SHTN1: variants seen among roughly 807,000 people sequenced by gnomAD.
The protein encoded by SHTN1 is shootin 1, also known as shootin-1.
SHTN1 carries 42 observed loss-of-function variants against 83.1 expected under a neutral mutation model. That is an observed-to-expected ratio of 0.51 (90% CI 0.39 to 0.65). The LOEUF is 0.65. Among genes scored for constraint, SHTN1 ranks in the 30% least tolerant of loss-of-function variants. SHTN1 has a pLI of 0.00. For synonymous variants in SHTN1, 224 were observed against 247.7 expected (o/e 0.90, Z 0.90); for missense variants, 622 against 737.8 (o/e 0.84, Z 1.82).
intron 1 of SHTN1, among the ~76,000 whole-genome samples, chr10:117,076,221 A>G (rs575316898): frequency 1.4e-4 from 22 of 151,932 alleles, no homozygotes; most frequent in African/African-American, 4.1e-4. Context: ...TAGATATTAT[A>G]TATGAAAATG....
intron 1 of SHTN1, among the ~76,000 whole-genome samples, chr10:116,988,247 G>C (rs1851293735): frequency 6.6e-6 from 1 of 151,326 alleles, no homozygotes; most frequent in African/African-American, 2.4e-5. Flanking sequence ...CTGTATTTTT[G>C]GCTCCATTTT....
At chr10:117,102,501 C>T (rs1589933236) in intron 1 of SHTN1, among the ~76,000 whole-genome samples, 2 of 152,112 alleles carry the variant, frequency 1.3e-5, no homozygotes, top group Non-Finnish European at 2.9e-5. Flanking sequence ...ATCCAAACCA[C>T]GACATGCTTC....
In SHTN1 at chr10:117,016,570, C is replaced by T. The variant is rs558712628; in HGVS notation, c.-123+31875G>A. Among the ~76,000 whole-genome samples, 10 of 152,240 alleles carry T rather than the reference C, an allele frequency of 6.6e-5. 1 individual carries two copies. The East Asian group carries it at 1.9e-3, about 29-fold the overall frequency. ...TACGGGCGTGTGCCACCACGCCCGG[C>T]TACTTTTTGTATTTTTAGTAGAGGC... On this transcript the variant is annotated intron_variant, in intron 2 of 17. Transcript: ENST00000392901.
upstream of SHTN1, among the ~76,000 whole-genome samples, chr10:117,008,856 G>A (rs186958904): frequency 1.3e-5 from 2 of 152,356 alleles, no homozygotes; most frequent in East Asian, 1.9e-4. Context: ...GCTCACGCCT[G>A]TAATCCCAGT....
chr10:116,968,525 TAGAA>T (rs1564904843), intron 3 of SHTN1, 123 bp downstream of exon 3: 3 of 618,432 alleles, frequency 4.9e-6, no homozygotes, highest in Non-Finnish European at 8.3e-6. Flanking sequence ...TTTGGACAAA[TAGAA>T]AGAAGTCTTG....
intron 2 of SHTN1, among the ~76,000 whole-genome samples, chr10:117,010,900 A>C (rs1852094110): frequency 6.6e-6 from 1 of 152,196 alleles, no homozygotes; most frequent in African/African-American, 2.4e-5. Flanking sequence ...CTCTTAGCAA[A>C]CCAGTAATAG....
chr10:116,918,900 G>C (rs923821473), intron 12 of SHTN1, among the ~76,000 whole-genome samples: 1 of 152,154 alleles, frequency 6.6e-6, no homozygotes. Flanking sequence ...ATACATTCTT[G>C]TCAAAATCAG....
Position 116,930,012 on chromosome 10 carries a change from A to AT in SHTN1, c.859-11dup, listed in dbSNP as rs752789855. On this transcript the variant is annotated splice_polypyrimidine_tract_variant and intron_variant, in intron 9 of 16. Coordinates refer to ENST00000355371, the MANE Select transcript of SHTN1 (RefSeq NM_001127211.3). Reference sequence around the variant, plus strand: ...CTTCTAATTCTTTGACCTATAAGTTATTTAAAAAAAAAAGACTTTTATGGC... The same window carrying AT: ...CTTCTAATTCTTTGACCTATAAGTTATTTTAAAAAAAAAAGACTTTTATGGC... 9.9e-6 allele frequency: 15 copies of AT among 1,508,468 alleles called. No individual in the cohort carries two copies. The highest frequency in any genetic ancestry group is 9.3e-5 in the South Asian group (7 of 75,016). The allele number at this position is 1,508,468 out of a possible 1,614,324, so 93.4% of individuals were successfully genotyped here.
At chr10:117,087,362 A>C (rs1287882530) in intron 1 of SHTN1, among the ~76,000 whole-genome samples, 1 of 152,250 alleles carries the variant, frequency 6.6e-6, no homozygotes, top group Non-Finnish European at 1.5e-5. Context: ...CACACACAGA[A>C]AATGTTAATA....
At chr10:117,072,687 C>T (rs549477486) in intron 1 of SHTN1, among the ~76,000 whole-genome samples, 2 of 152,226 alleles carry the variant, frequency 1.3e-5, no homozygotes, top group South Asian at 2.1e-4. Flanking sequence ...CAGGGGAACA[C>T]CCCATGGGAC....
chr10:117,104,597 A>T (rs764366697), intron 1 of SHTN1, among the ~76,000 whole-genome samples: 3 of 152,012 alleles, frequency 2.0e-5, no homozygotes, highest in Non-Finnish European at 4.4e-5. Flanking sequence ...ACACAGTGAA[A>T]CCCCATCTCT....
At position 116,884,692 on chromosome 10, in the gene SHTN1, A is replaced by G. The variant is rs17095395; in HGVS notation, c.*1652T>C. ...AACTCAATAAACCATCTTAGGGACT[A>G]TTAAAAATTACTAAAGTTGTCAAAT... is the stretch of plus-strand genomic sequence containing the variant. On this transcript the variant is annotated 3_prime_UTR_variant, in exon 17 of 17. Coordinates refer to ENST00000355371, the MANE Select transcript of SHTN1 (RefSeq NM_001127211.3). The G allele has an allele frequency of 0.051, 7,950 of 156,254 alleles. 672 individuals carry two copies. Among genetic ancestry groups the G allele is most frequent in the African/African-American group, 0.17 (7,164 of 41,554 alleles). 9.7% of individuals were successfully genotyped at this position (156,254 alleles called of 1,614,324 possible).
chr10:117,018,763 G>A (rs994368382), intron 2 of SHTN1, among the ~76,000 whole-genome samples: 1 of 151,814 alleles, frequency 6.6e-6, no homozygotes, highest in Non-Finnish European at 1.5e-5. Flanking sequence ...AGTAGAGAGG[G>A]GTTTTCACCA....
intron 1 of SHTN1, among the ~76,000 whole-genome samples, chr10:117,116,990 G>A (rs1457770129): frequency 1.3e-5 from 2 of 152,044 alleles, no homozygotes; most frequent in Admixed American, 1.3e-4. Flanking sequence ...CCTCTAAGAT[G>A]TGGAACAAGA....
At chr10:116,960,419 A>G in intron 3 of SHTN1, 189 bp from the exon 4 acceptor site, 1 of 479,296 alleles carries the variant, frequency 2.1e-6, no homozygotes, top group Non-Finnish European at 3.7e-6. Context: ...GTAGAAAGAA[A>G]CAAGAACACA....
rs1849892947 is a variant in SHTN1 at position 116,954,227 on chromosome 10, A to T, written c.268-17T>A. 6.5e-7 allele frequency: 1 copy of T among 1,545,732 alleles called. No homozygotes were observed. The highest frequency in any genetic ancestry group is 1.4e-5 in the African/African-American group (1 of 72,416). ...TTTATTTAGCTAAGACAAAATATAAAAACAGTTATTTTAAAAGCAGCCAAA... is the reference window on the plus strand; with the variant it reads ...TTTATTTAGCTAAGACAAAATATAATAACAGTTATTTTAAAAGCAGCCAAA... On this transcript the variant is annotated splice_polypyrimidine_tract_variant and intron_variant, in intron 4 of 16. Coordinates refer to ENST00000355371, the MANE Select transcript of SHTN1 (RefSeq NM_001127211.3).
intron 3 of SHTN1, among the ~76,000 whole-genome samples, chr10:116,967,613 C>T (rs1309592424): frequency 6.6e-6 from 1 of 151,924 alleles, no homozygotes; most frequent in African/African-American, 2.4e-5. Context: ...TTTGTAGTAA[C>T]ATCACGTAAC....
chr10:117,018,222 G>GT (rs1852209113), intron 2 of SHTN1, among the ~76,000 whole-genome samples: 1 of 152,146 alleles, frequency 6.6e-6, no homozygotes, highest in African/African-American at 2.4e-5. Context: ...CTGTGGTTAT[G>GT]TACCCAGTGG....
intron 16 of SHTN1, among the ~76,000 whole-genome samples, chr10:116,895,384 T>C (rs964283053): frequency 6.6e-6 from 1 of 152,234 alleles, no homozygotes; most frequent in African/African-American, 2.4e-5. Flanking sequence ...CAGCCCTTTA[T>C]TGGACATTTG....
Sources: gnomAD v4.1 joint callset for allele counts (sites outside exome capture counted in the v4.1 genomes callset) on GRCh38, gnomAD v4.1.1 for gene constraint, MANE v1.5 for transcripts, NCBI Gene and HGNC (gene_info 2026-07-23, HGNC 2026-07-21) for gene names.